Variants in ADCY2 observed in about 807,000 individuals in gnomAD.
ADCY2 encodes the protein adenylate cyclase type 2.
A neutral mutation model predicts 125.2 loss-of-function variants in ADCY2; 31 were observed. That is an observed-to-expected ratio of 0.25 (90% CI 0.19 to 0.33). The LOEUF (loss-of-function observed/expected upper bound fraction) is 0.33, where lower values mean the gene tolerates loss of function less well. ADCY2 is among the 10% of genes least tolerant of loss of function. ADCY2 has a pLI of 1.00. For missense variants in ADCY2, 904 were observed against 1,418.2 expected, an observed-to-expected ratio of 0.64 and a Z score of 5.82; for synonymous variants, 512 against 548.4, an observed-to-expected ratio of 0.93 and a Z score of 0.93.
intron 24 of ADCY2, among the ~76,000 whole-genome samples, chr5:7,823,089 C>T (rs761011083): frequency 1.1e-4 from 17 of 152,188 alleles, no homozygotes; most frequent in Non-Finnish European, 2.5e-4. Flanking sequence ...TACCCCATCT[C>T]GTTCATTCCT....
At chr5:7,509,116 G>C (rs187033587) in intron 2 of ADCY2, among the ~76,000 whole-genome samples, 40 of 152,330 alleles carry the variant, frequency 2.6e-4, no homozygotes, top group African/African-American at 9.4e-4. Flanking sequence ...GGACAAGTTT[G>C]GAAATAGGGC....
chr5:7,779,185 G>A (rs529915828), intron 18 of ADCY2, among the ~76,000 whole-genome samples: 1 of 152,192 alleles, frequency 6.6e-6, no homozygotes, highest in South Asian at 2.1e-4. Context: ...GGCTATGCAG[G>A]GTCTAACAAG....
At chr5:7,749,295 A>G (rs1284871316) in intron 15 of ADCY2, among the ~76,000 whole-genome samples, 1 of 152,126 alleles carries the variant, frequency 6.6e-6, no homozygotes, top group East Asian at 2.0e-4. Flanking sequence ...GTTAATTTAT[A>G]ATTGTGTTTA....
chr5:7,814,046 T>C (rs1745027436), intron 22 of ADCY2, among the ~76,000 whole-genome samples: 1 of 152,114 alleles, frequency 6.6e-6, no homozygotes, highest in Non-Finnish European at 1.5e-5. Context: ...ACTAGTGAGC[T>C]ATGATAGAAA....
intron 2 of ADCY2, among the ~76,000 whole-genome samples, chr5:7,510,627 C>T (rs780100409): frequency 2.0e-4 from 31 of 152,120 alleles, no homozygotes; most frequent in Admixed American, 3.9e-4. Flanking sequence ...CATTGTTGTT[C>T]CAGGAAATCA....
intron 16 of ADCY2, among the ~76,000 whole-genome samples, chr5:7,764,718 C>T (rs181423628): frequency 6.6e-6 from 1 of 152,066 alleles, no homozygotes; most frequent in Non-Finnish European, 1.5e-5. Flanking sequence ...TAAATTGGGT[C>T]CAGAGAAGAG....
chr5:7,571,703 G>A (rs886990295), intron 3 of ADCY2, among the ~76,000 whole-genome samples: 6 of 152,134 alleles, frequency 3.9e-5, no homozygotes, highest in Non-Finnish European at 4.4e-5. Flanking sequence ...GTAAACGTGT[G>A]TCATGGGAGT....
At chr5:7,455,742 T>TATGTGTTATATAAA (rs1335108028) in intron 2 of ADCY2, among the ~76,000 whole-genome samples, 1 of 147,256 alleles carries the variant, frequency 6.8e-6, no homozygotes, top group Non-Finnish European at 1.5e-5. Flanking sequence ...TGATATACAG[T>TATGTGTTATATAAA]ATGTGTTATA....
chr5:7,637,450 AAG>A (rs1411000993), intron 4 of ADCY2, among the ~76,000 whole-genome samples: 3 of 151,252 alleles, frequency 2.0e-5, no homozygotes, highest in African/African-American at 2.4e-5. Flanking sequence ...AAAAAAAAAA[AAG>A]AGAAGAAGAA....
At chr5:7,584,396 A>C (rs980850897) in intron 3 of ADCY2, among the ~76,000 whole-genome samples, 3 of 152,148 alleles carry the variant, frequency 2.0e-5, no homozygotes, top group Non-Finnish European at 2.9e-5. Flanking sequence ...CACTTTGCAC[A>C]ATAAAATAGG....
At position 7,816,893 on chromosome 5, in the gene ADCY2, G is replaced by A. The variant is rs1362717822; in HGVS notation, c.2911G>A (p.Gly971Ser). The change falls in exon 23 of 25, where the codon GGC (glycine) becomes AGC (serine). Residue 971 changes from glycine to serine, a missense_variant. Physicochemically the swap from Gly to Ser is moderately conservative, Grantham distance 56. This residue lies in a region of ADCY2 where 181 missense variants were observed against 381.6 expected (regional missense o/e 0.47). Coordinates refer to ENST00000338316, the MANE Select transcript of ADCY2 (RefSeq NM_020546.3). ...QEPERQYMHI[G>S]TMVEFAFALV... is the part of the protein sequence containing the mutation. ...GCCCGAGCGGCAGTACATGCACATT[G>A]GCACCATGGTGGAGTTTGCTTTTGC... 1.2e-6 allele frequency: 2 copies of A among 1,614,044 alleles called. No homozygotes were observed.
chr5:7,777,954 G>A (rs924153908), intron 18 of ADCY2, among the ~76,000 whole-genome samples: 4 of 152,152 alleles, frequency 2.6e-5, no homozygotes, highest in Admixed American at 6.5e-5. Flanking sequence ...GACGTGATTC[G>A]GATAAGTCGC....
At chr5:7,555,560 A>G (rs540074164) in intron 3 of ADCY2, among the ~76,000 whole-genome samples, 21 of 152,310 alleles carry the variant, frequency 1.4e-4, no homozygotes, top group Admixed American at 3.9e-4. Flanking sequence ...ATAATTGTAT[A>G]TGTCCATAGT....
chr5:7,602,402 G>A (rs1737242384), intron 3 of ADCY2, among the ~76,000 whole-genome samples: 1 of 152,100 alleles, frequency 6.6e-6, no homozygotes, highest in African/African-American at 2.4e-5. Context: ...TGTTCCACCA[G>A]GTACACTCCA....
In ADCY2 at chr5:7,650,217, G is replaced by GACACACACACACAC. The variant is rs3073883; in HGVS notation, c.720+23919_720+23932dup. 4.4e-3 allele frequency among the ~76,000 whole-genome samples: 647 copies of GACACACACACACAC among 147,874 alleles called. 6 individuals are homozygous for GACACACACACACAC. The highest frequency in any genetic ancestry group is 0.015 in the African/African-American group (599 of 39,748). ...GGTCACAAGTCCACGTGCAGGCACAGACACACACACACACACACACACACA... is the reference window on the plus strand; with the variant it reads ...GGTCACAAGTCCACGTGCAGGCACAGACACACACACACACACACACACACACACACACACACACA... On this transcript the variant is annotated intron_variant, in intron 4 of 24. Coordinates refer to ENST00000338316, the MANE Select transcript of ADCY2 (RefSeq NM_020546.3).
In ADCY2 at chr5:7,786,170, T is replaced by C. The variant is rs147935306; in HGVS notation, c.2469+1721T>C. On this transcript the variant is annotated intron_variant, in intron 19 of 24. Transcript: ENST00000338316. ...CACCAGCTATAAATCACCGAATCTA[T>C]ATAAGACACCGTGGGAAATACCAAG... is the stretch of plus-strand genomic sequence containing the variant. 2.4e-3 allele frequency among the ~76,000 whole-genome samples: 367 copies of C among 152,296 alleles called. 3 individuals are homozygous for C. The highest frequency in any genetic ancestry group is 8.4e-3 in the African/African-American group (350 of 41,580).
At chr5:7,727,851 C>T (rs1188335446) in intron 14 of ADCY2, among the ~76,000 whole-genome samples, 1 of 152,110 alleles carries the variant, frequency 6.6e-6, no homozygotes, top group East Asian at 1.9e-4. Context: ...TGAATTCCTT[C>T]TGGTTCCACT....
chr5:7,564,325 G>A (rs1325352785), intron 3 of ADCY2, among the ~76,000 whole-genome samples: 1 of 152,174 alleles, frequency 6.6e-6, no homozygotes, highest in Non-Finnish European at 1.5e-5. Flanking sequence ...TGTAATGAGG[G>A]ATGTATTATG....
chr5:7,488,968 C>CT (rs1203247807), intron 2 of ADCY2, among the ~76,000 whole-genome samples: 1 of 152,220 alleles, frequency 6.6e-6, no homozygotes, highest in Non-Finnish European at 1.5e-5. Flanking sequence ...TCATCAGTAA[C>CT]TGACACGTAG....
Sources: gnomAD v4.1 joint callset for allele counts (sites outside exome capture counted in the v4.1 genomes callset) on GRCh38, gnomAD v4.1.1 for gene constraint, gnomAD v4.1.1 regional missense constraint, MANE v1.5 for transcripts, NCBI Gene and HGNC (gene_info 2026-07-23, HGNC 2026-07-21) for gene names.